Variants in C1orf141 observed in about 807,000 individuals in gnomAD.
C1orf141 encodes chromosome 1 open reading frame 141.
In C1orf141, 19 loss-of-function variants were observed where a neutral mutation model predicts 23.2. The ratio of observed to expected loss-of-function variants is 0.82; its 90% CI spans 0.57 to 1.20. The LOEUF (loss-of-function observed/expected upper bound fraction) is 1.20. Ranked by LOEUF, C1orf141 falls within the 50% of genes most tolerant of loss-of-function variation. The probability of loss-of-function intolerance (pLI) is 0.00; values close to 1 mark genes in which losing one functional copy is unlikely to be tolerated. For synonymous variants in C1orf141, 153 were observed against 154.6 expected, an observed-to-expected ratio of 0.99 and a Z score of 0.08; for missense variants, 469 against 455.1, an observed-to-expected ratio of 1.03 and a Z score of -0.28.
chr1:67,135,073 C>T (rs1243892370), upstream of C1orf141: 1 of 152,078 alleles, frequency 6.6e-6, no homozygotes, highest in Non-Finnish European at 1.5e-5. Context: ...GCAGAGTTCT[C>T]TTCTCAGAGG....
chr1:67,114,368 T>A (rs1646143675), intron 5 of C1orf141, among the ~76,000 whole-genome samples: 2 of 152,078 alleles, frequency 1.3e-5, no homozygotes, highest in South Asian at 4.1e-4. Context: ...ATTTTCCAAA[T>A]ACCGTCCAGC....
At chr1:67,113,235 C>T (rs1461474112) in intron 5 of C1orf141, among the ~76,000 whole-genome samples, 2 of 151,912 alleles carry the variant, frequency 1.3e-5, no homozygotes, top group African/African-American at 4.8e-5. Context: ...CTACCTTGAC[C>T]TCCCAAAGAT....
Position 67,105,143 on chromosome 1 carries a change from G to A in C1orf141, c.347-8822C>T, listed in dbSNP as rs573721719. On this transcript the variant is annotated intron_variant, in intron 5 of 7. Coordinates refer to ENST00000684719, the MANE Select transcript of C1orf141 (RefSeq NM_001276351.2). ...GGAGTTCAAGACCAGCCCGGCCAAC[G>A]TGGTGAAACCCCGTCTCTACTAAAA... Among the ~76,000 whole-genome samples the A allele has an allele frequency of 1.7e-4, 26 of 151,698 alleles. No homozygotes were observed. In the South Asian group the frequency reaches 3.8e-3, roughly 22 times the overall value.
intron 4 of C1orf141, among the ~76,000 whole-genome samples, chr1:67,117,192 G>A (rs1275066579): frequency 6.6e-6 from 1 of 152,192 alleles, no homozygotes; most frequent in Non-Finnish European, 1.5e-5. Flanking sequence ...AGAGGCTGAG[G>A]GGGGTGGATT....
intron 5 of C1orf141, among the ~76,000 whole-genome samples, chr1:67,104,654 A>C (rs1208825268): frequency 6.6e-6 from 1 of 152,206 alleles, no homozygotes; most frequent in Non-Finnish European, 1.5e-5. Context: ...AATTGTTCTC[A>C]TGCAATATAA....
intron 7 of C1orf141, chr1:67,094,081 C>T (rs1280024101): frequency 1.3e-5 from 2 of 152,606 alleles, no homozygotes; most frequent in Non-Finnish European, 2.9e-5. Flanking sequence ...TAAAAATTAT[C>T]TCTACAACTG....
Position 67,093,095 on chromosome 1 carries a change from T to G in C1orf141, c.1113A>C (p.Ser371=). Residue 371 remains serine (S), a synonymous_variant, in exon 8 of 8, where the codon TCA becomes TCC. Coordinates refer to ENST00000684719, the MANE Select transcript of C1orf141 (RefSeq NM_001276351.2). The part of the protein sequence containing the change: ...TSSALPVKCY[S]KPFKYIYELN... ...GTTCATATATATATTTAAAAGGCTT[T>G]GAGTAACATTTGACAGGTAAGGCAC... 1.2e-6 allele frequency: 2 copies of G among 1,613,124 alleles called. No homozygotes were observed. Among genetic ancestry groups the G allele is most frequent in the Middle Eastern group, 1.7e-4 (1 of 6,058 alleles).
chr1:67,095,346 A>G lies in C1orf141; in HGVS notation c.492T>C (p.Tyr164=), dbSNP rs1645651243. 2.5e-6 allele frequency: 4 copies of G among 1,578,608 alleles called. No homozygotes were observed. The highest frequency in any genetic ancestry group is 1.4e-5 in the African/African-American group (1 of 73,470). Residue 164 remains tyrosine (Y), a synonymous_variant, in exon 7 of 8, where the codon TAT becomes TAC. Coordinates refer to ENST00000684719, the MANE Select transcript of C1orf141 (RefSeq NM_001276351.2). Reference sequence around the variant, plus strand: ...GCAAGCTTTTCTTTCTTACTGACCTATACTTACTTAATTGATAATTTCTGA... The same window carrying G: ...GCAAGCTTTTCTTTCTTACTGACCTGTACTTACTTAATTGATAATTTCTGA... ...KSVRNYQLSK[Y]RSVRKKSLLP... is the part of the protein sequence containing the mutation.
At chr1:67,127,139 C>A in intron 3 of C1orf141, 27 bp downstream of exon 3, 1 of 1,499,034 alleles carries the variant, frequency 6.7e-7, no homozygotes, top group East Asian at 2.3e-5. Context: ...AATGATTAAA[C>A]TGAATTGTAG....
upstream of C1orf141, among the ~76,000 whole-genome samples, chr1:67,136,412 A>G (rs1238984397): frequency 6.6e-6 from 1 of 152,184 alleles, no homozygotes; most frequent in Non-Finnish European, 1.5e-5. Context: ...TATGGAATTG[A>G]TAACTGGAAT....
intron 5 of C1orf141, among the ~76,000 whole-genome samples, chr1:67,097,942 G>C (rs1041285446): frequency 6.6e-6 from 1 of 152,140 alleles, no homozygotes; most frequent in Non-Finnish European, 1.5e-5. Context: ...GCTGGGTTAA[G>C]GATCCCTGAC....
At chr1:67,125,154 T>C (rs961720684) in intron 4 of C1orf141, among the ~76,000 whole-genome samples, 7 of 152,216 alleles carry the variant, frequency 4.6e-5, no homozygotes, top group African/African-American at 1.7e-4. Flanking sequence ...TCAGTTAAAG[T>C]TTGCAATAAA....
intron 1 of C1orf141, among the ~76,000 whole-genome samples, chr1:67,134,517 G>T (rs1323467386): frequency 6.6e-6 from 1 of 152,160 alleles, no homozygotes; most frequent in East Asian, 1.9e-4. Context: ...TCAATTAAGC[G>T]GCCCCCAGAG....
At chr1:67,108,065 T>G (rs978269632) in intron 5 of C1orf141, among the ~76,000 whole-genome samples, 2 of 152,336 alleles carry the variant, frequency 1.3e-5, no homozygotes, top group East Asian at 1.9e-4. Context: ...GTAAAATTAG[T>G]GGCAGCTTCC....
chr1:67,105,325 CAAAAA>C (rs3052331), intron 5 of C1orf141, among the ~76,000 whole-genome samples: 1 of 92,354 alleles, frequency 1.1e-5, no homozygotes, highest in Non-Finnish European at 2.2e-5. Flanking sequence ...GACTATTTCT[CAAAAA>C]AAAAAAAAAA....
At chr1:67,107,111 T>C (rs961121124) in intron 5 of C1orf141, among the ~76,000 whole-genome samples, 1 of 152,230 alleles carries the variant, frequency 6.6e-6, no homozygotes, top group Admixed American at 6.5e-5. Flanking sequence ...TAAATGGAAC[T>C]ATACAATTTA....
At chr1:67,095,446 A>G in intron 6 of C1orf141, 25 bp from the exon 7 acceptor site, 2 of 1,353,208 alleles carry the variant, frequency 1.5e-6, no homozygotes, top group Non-Finnish European at 2.0e-6. Context: ...AGTTCAGGGT[A>G]GTGTTCATGG....
chr1:67,132,646 C>A (rs1274711950), intron 1 of C1orf141, among the ~76,000 whole-genome samples: 1 of 152,102 alleles, frequency 6.6e-6, no homozygotes, highest in South Asian at 2.1e-4. Flanking sequence ...TTACATCTAA[C>A]GGGGATTTGA....
intron 5 of C1orf141, among the ~76,000 whole-genome samples, chr1:67,111,244 GAT>G (rs977392480): frequency 2.1e-4 from 32 of 151,968 alleles, no homozygotes; most frequent in Admixed American, 1.8e-3. Flanking sequence ...TTAACAAATT[GAT>G]ATATATTTTT....
Sources: allele counts gnomAD v4.1 joint callset (sites outside exome capture counted in the v4.1 genomes callset), GRCh38; gene constraint gnomAD v4.1.1; transcripts MANE v1.5; gene names NCBI Gene and HGNC (gene_info 2026-07-23, HGNC 2026-07-21).